Variants in COL24A1 observed in about 807,000 individuals in gnomAD.
The protein encoded by COL24A1 is collagen type XXIV alpha 1 chain, also known as collagen alpha-1(XXIV) chain.
Under a neutral mutation model 253.9 loss-of-function variants are expected in COL24A1, and 224 were observed. The ratio of observed to expected loss-of-function variants is 0.88; its 90% CI spans 0.79 to 0.99. The LOEUF is 0.99. Among genes scored for constraint, COL24A1 ranks in the 50% least tolerant of loss-of-function variants. COL24A1 has a pLI of 0.00. For missense variants in COL24A1, 2,131 were observed against 2,068.5 expected, an observed-to-expected ratio of 1.03 and a Z score of -0.59; for synonymous variants, 685 against 673.7, an observed-to-expected ratio of 1.02 and a Z score of -0.26.
intron 32 of COL24A1, among the ~76,000 whole-genome samples, chr1:85,886,742 T>C (rs539888322): frequency 6.6e-6 from 1 of 152,328 alleles, no homozygotes; most frequent in Non-Finnish European, 1.5e-5. Flanking sequence ...GATATATTAA[T>C]AGATTTCTTA....
intron 20 of COL24A1, among the ~76,000 whole-genome samples, chr1:85,986,899 A>C (rs1354018259): frequency 6.6e-6 from 1 of 151,774 alleles, no homozygotes; most frequent in Non-Finnish European, 1.5e-5. Context: ...ATAATGCTTT[A>C]TTTGCTTACA....
At chr1:85,909,767 A>G (rs538943764) in intron 26 of COL24A1, among the ~76,000 whole-genome samples, 183 bp downstream of exon 26, 6 of 151,918 alleles carry the variant, frequency 3.9e-5, no homozygotes, top group Non-Finnish European at 7.4e-5. Context: ...TCTCATTTAC[A>G]TGCTTTTGAG....
intron 37 of COL24A1, among the ~76,000 whole-genome samples, chr1:85,868,282 T>C (rs1298911299): frequency 6.6e-6 from 1 of 152,206 alleles, no homozygotes; most frequent in African/African-American, 2.4e-5. Flanking sequence ...AAAACATTCC[T>C]TTATAAATGC....
At chr1:85,762,249 T>C (rs1403768332) in intron 53 of COL24A1, among the ~76,000 whole-genome samples, 1 of 152,178 alleles carries the variant, frequency 6.6e-6, no homozygotes, top group African/African-American at 2.4e-5. Context: ...GGTTAAAAGA[T>C]GGCAAAGCAA....
chr1:85,871,672 A>T (rs1338925438), intron 35 of COL24A1, among the ~76,000 whole-genome samples: 1 of 152,200 alleles, frequency 6.6e-6, no homozygotes, highest in Non-Finnish European at 1.5e-5. Flanking sequence ...ACTCTCCATT[A>T]ATTAGGTATT....
chr1:85,898,055 TG>T, intron 28 of COL24A1, among the ~76,000 whole-genome samples: 1 of 152,100 alleles, frequency 6.6e-6, no homozygotes, highest in Non-Finnish European at 1.5e-5. Flanking sequence ...AAAAGTAGTT[TG>T]TTTGGTTAGG....
intron 24 of COL24A1, among the ~76,000 whole-genome samples, chr1:85,941,869 G>A (rs1688789044): frequency 6.6e-6 from 1 of 152,102 alleles, no homozygotes; most frequent in Admixed American, 6.5e-5. Flanking sequence ...CATTAATTGT[G>A]ATGTTCATCT....
chr1:85,903,918 C>T (rs996742516), intron 28 of COL24A1, among the ~76,000 whole-genome samples: 1 of 152,120 alleles, frequency 6.6e-6, no homozygotes. Flanking sequence ...TGATTCTATT[C>T]TTGTTATAAA....
intron 3 of COL24A1, 22 bp downstream of exon 3, chr1:86,124,823 T>C (rs772565435): frequency 1.3e-6 from 2 of 1,490,434 alleles, no homozygotes; most frequent in Non-Finnish European, 8.9e-7. Context: ...TATTAGGAGA[T>C]ATTAAAAAAA....
Position 86,125,846 on chromosome 1 carries a change from G to A in COL24A1, c.490C>T (p.His164Tyr). The A allele has an allele frequency of 1.9e-6, 3 of 1,613,268 alleles. No individual in the cohort carries two copies. The highest frequency in any genetic ancestry group is 2.5e-6 in the Non-Finnish European group (3 of 1,179,684). ...TTTCTAATAGTAATGGCAAATGAGT[G>A]CCATTGCTCATCATGAACACTGTAG... ...FNYSVHDEQW[H>Y]SFAITIRNQS... The change falls in exon 3 of 60, where the codon CAC becomes TAC. Residue 164 changes from histidine (H) to tyrosine (Y), a missense_variant. His to Tyr is a moderately conservative substitution (Grantham distance 83). Transcript: ENST00000370571.
At chr1:86,031,777 G>C (rs1698592129) in intron 14 of COL24A1, 101 bp downstream of exon 14, 2 of 906,532 alleles carry the variant, frequency 2.2e-6, no homozygotes, top group Non-Finnish European at 3.3e-6. Flanking sequence ...AACAATGACA[G>C]TAAAACCTCT....
At chr1:86,140,214 A>T (rs991393435) in intron 2 of COL24A1, among the ~76,000 whole-genome samples, 2 of 152,202 alleles carry the variant, frequency 1.3e-5, no homozygotes, top group Non-Finnish European at 2.9e-5. Flanking sequence ...AATGAGGCTC[A>T]GAGAGTATTT....
At chr1:85,763,966 G>T (rs1052410803) in intron 53 of COL24A1, among the ~76,000 whole-genome samples, 2 of 152,086 alleles carry the variant, frequency 1.3e-5, no homozygotes, top group Non-Finnish European at 2.9e-5. Flanking sequence ...TTAAAAATAC[G>T]TGTAAGTGCA....
intron 37 of COL24A1, among the ~76,000 whole-genome samples, chr1:85,862,802 C>A (rs1333911982): frequency 6.6e-6 from 1 of 152,186 alleles, no homozygotes; most frequent in Non-Finnish European, 1.5e-5. Context: ...AAATTCCCAA[C>A]TGATTGTTTC....
chr1:86,058,116 C>T, intron 9 of COL24A1, 141 bp from the exon 10 acceptor site: 6 of 537,466 alleles, frequency 1.1e-5, no homozygotes, highest in East Asian at 3.2e-5. Flanking sequence ...TGAAGATTAC[C>T]AATGTTCAAG....
chr1:85,771,097 G>C (rs1299971863), intron 53 of COL24A1, among the ~76,000 whole-genome samples: 1 of 152,084 alleles, frequency 6.6e-6, no homozygotes, highest in Non-Finnish European at 1.5e-5. Flanking sequence ...CTACCACATA[G>C]GGTTTTTAAA....
chr1:85,901,440 T>C (rs1604567), intron 28 of COL24A1, among the ~76,000 whole-genome samples: 30,297 of 152,040 alleles, frequency 0.2, 3,374 homozygotes, highest in Non-Finnish European at 0.24. Context: ...GGAACTCTTA[T>C]ATGCTGTTGG....
chr1:85,847,523 C>T, intron 39 of COL24A1, 142 bp downstream of exon 39: 1 of 573,180 alleles, frequency 1.7e-6, no homozygotes, highest in Non-Finnish European at 3.1e-6. Flanking sequence ...TTACAATTCT[C>T]CACATCCCAT....
chr1:86,002,025 CT>C (rs575777559), intron 19 of COL24A1, among the ~76,000 whole-genome samples: 2 of 152,156 alleles, frequency 1.3e-5, no homozygotes, highest in Non-Finnish European at 1.5e-5. Flanking sequence ...CACCTCTGCA[CT>C]TTTTTTCTTA....
Sources: allele counts gnomAD v4.1 joint callset (sites outside exome capture counted in the v4.1 genomes callset), GRCh38; gene constraint gnomAD v4.1.1; transcripts MANE v1.5; gene names NCBI Gene and HGNC (gene_info 2026-07-23, HGNC 2026-07-21).